DLGAP1: variants seen among roughly 807,000 people sequenced by gnomAD.
The protein encoded by DLGAP1 is DLG associated protein 1, also known as disks large-associated protein 1.
A neutral mutation model predicts 90.8 loss-of-function variants in DLGAP1; 11 were observed. The observed-to-expected ratio is 0.12, with a 90% CI of 0.08 to 0.20. The LOEUF is 0.20. Ranked by LOEUF, DLGAP1 falls within the 10% of genes least tolerant of loss-of-function variation. DLGAP1 has a pLI of 1.00. For synonymous variants in DLGAP1, 558 were observed against 540.7 expected, an observed-to-expected ratio of 1.03 and a Z score of -0.44; for missense variants, 1,050 against 1,333.8, an observed-to-expected ratio of 0.79 and a Z score of 3.31.
intron 7 of DLGAP1, among the ~76,000 whole-genome samples, chr18:3,628,822 C>T (rs540898433): frequency 1.5e-3 from 232 of 152,252 alleles, no homozygotes; most frequent in Non-Finnish European, 2.7e-3. Context: ...TACAACTTGT[C>T]AATTTCCATT....
chr18:4,252,098 T>A (rs2078790915), intron 1 of DLGAP1, among the ~76,000 whole-genome samples: 2 of 152,102 alleles, frequency 1.3e-5, no homozygotes, highest in African/African-American at 4.8e-5. Flanking sequence ...GAATGAGTCA[T>A]CTCAAGCCTT....
chr18:3,845,097 C>T (rs934314792), intron 4 of DLGAP1: 1 of 1,126,404 alleles, frequency 8.9e-7, no homozygotes. Context: ...AATTGTTCAT[C>T]CCCAGTTCAC....
At chr18:4,115,995 T>G (rs2076057873) in intron 2 of DLGAP1, among the ~76,000 whole-genome samples, 1 of 152,264 alleles carries the variant, frequency 6.6e-6, no homozygotes, top group Non-Finnish European at 1.5e-5. Context: ...GCACTCTTTC[T>G]TTTCTCGTGC....
intron 5 of DLGAP1, among the ~76,000 whole-genome samples, chr18:3,802,496 C>T (rs1297520802): frequency 3.9e-5 from 6 of 152,216 alleles, no homozygotes; most frequent in African/African-American, 1.4e-4. Flanking sequence ...TATACTCAGA[C>T]AAAATTCCTC....
At chr18:4,047,060 C>T (rs562870628) in intron 2 of DLGAP1, among the ~76,000 whole-genome samples, 11 of 152,328 alleles carry the variant, frequency 7.2e-5, no homozygotes, top group African/African-American at 2.6e-4. Flanking sequence ...ACTCAAATAA[C>T]TTACTTCAAT....
intron 2 of DLGAP1, among the ~76,000 whole-genome samples, chr18:4,030,095 C>A (rs1226949919): frequency 6.6e-6 from 1 of 152,110 alleles, no homozygotes; most frequent in African/African-American, 2.4e-5. Flanking sequence ...TGGATTCAAG[C>A]GATTCTCCTG....
intron 2 of DLGAP1, among the ~76,000 whole-genome samples, chr18:4,048,772 G>A (rs983026516): frequency 6.6e-6 from 1 of 152,148 alleles, no homozygotes; most frequent in Admixed American, 6.5e-5. Context: ...GGCTGCTTTG[G>A]GATGAAAAAG....
At chr18:3,858,494 G>GTA (rs1403930860) in intron 4 of DLGAP1, among the ~76,000 whole-genome samples, 84 of 147,174 alleles carry the variant, frequency 5.7e-4, no homozygotes, top group Middle Eastern at 3.6e-3. Context: ...ATATATACGT[G>GTA]TATATATACA....
chr18:3,658,680 G>T (rs903259886), intron 7 of DLGAP1, among the ~76,000 whole-genome samples: 2 of 152,100 alleles, frequency 1.3e-5, no homozygotes, highest in Admixed American at 6.5e-5. Context: ...AAACCAAAAC[G>T]CAAGGTCAGG....
intron 8 of DLGAP1, chr18:3,580,534 G>C (rs544176394): frequency 6.3e-7 from 1 of 1,598,462 alleles, no homozygotes; most frequent in South Asian, 1.1e-5. Flanking sequence ...CGGCAGCGGA[G>C]ATGGCAGTGG....
rs1657645567 is a variant in DLGAP1, at chr18:3,498,349, A to G, written c.*836T>C. 6.6e-6 allele frequency: 1 copy of G among 152,210 alleles called. No individual in the cohort carries two copies. The highest frequency in any genetic ancestry group is 6.5e-5 in the Admixed American group (1 of 15,284). 9.4% of individuals were successfully genotyped at this position (152,210 alleles called of 1,614,324 possible). On this transcript the variant is annotated 3_prime_UTR_variant, in exon 13 of 13. Coordinates refer to ENST00000315677, the MANE Select transcript of DLGAP1 (RefSeq NM_004746.4). ...CAGGTCTAGATTTTCTTAATAATAG[A>G]ACAAAAAAATCCCTTATGTAGTATA...
chr18:4,103,793 T>G (rs1299526894), intron 2 of DLGAP1, among the ~76,000 whole-genome samples: 1 of 151,744 alleles, frequency 6.6e-6, no homozygotes, highest in Non-Finnish European at 1.5e-5. Flanking sequence ...GTATTAAATA[T>G]TTTTTCAGAA....
intron 7 of DLGAP1, among the ~76,000 whole-genome samples, chr18:3,589,376 T>C (rs1308668946): frequency 1.3e-5 from 2 of 152,122 alleles, no homozygotes; most frequent in East Asian, 3.8e-4. Context: ...GAGATCAAAC[T>C]CCCTTTTTGT....
intron 1 of DLGAP1, among the ~76,000 whole-genome samples, chr18:4,445,660 T>C (rs529080809): frequency 3.9e-5 from 6 of 152,176 alleles, no homozygotes; most frequent in Admixed American, 2.0e-4. Context: ...TACTAGCTAC[T>C]GGGCTCAAGC....
chr18:3,570,848 G>A (rs2054734890), intron 8 of DLGAP1, among the ~76,000 whole-genome samples: 1 of 151,324 alleles, frequency 6.6e-6, no homozygotes, highest in Non-Finnish European at 1.5e-5. Context: ...AGGATTGCTT[G>A]AGCCTGAGAG....
At chr18:3,605,949 T>G (rs1205897597) in intron 7 of DLGAP1, among the ~76,000 whole-genome samples, 2 of 152,130 alleles carry the variant, frequency 1.3e-5, no homozygotes, top group East Asian at 3.8e-4. Flanking sequence ...AATAGGAGAC[T>G]TCAAACAAAA....
intron 1 of DLGAP1, among the ~76,000 whole-genome samples, chr18:4,452,349 T>C (rs2083855164): frequency 6.6e-6 from 1 of 152,192 alleles, no homozygotes; most frequent in South Asian, 2.1e-4. Context: ...TCAAAGAATA[T>C]GGTATTCATC....
chr18:3,783,617 A>G (rs1292095105), intron 5 of DLGAP1, among the ~76,000 whole-genome samples: 1 of 152,118 alleles, frequency 6.6e-6, no homozygotes, highest in African/African-American at 2.4e-5. Flanking sequence ...GGCTGTGGGG[A>G]GGGCTGGAGG....
intron 5 of DLGAP1, among the ~76,000 whole-genome samples, chr18:3,788,625 G>A (rs556982271): frequency 4.3e-4 from 66 of 152,242 alleles, no homozygotes; most frequent in African/African-American, 1.2e-3. Flanking sequence ...GTCATTACAC[G>A]TTGGCAGGCT....
Sources: gnomAD v4.1 joint callset for allele counts (sites outside exome capture counted in the v4.1 genomes callset) on GRCh38, gnomAD v4.1.1 for gene constraint, MANE v1.5 for transcripts, NCBI Gene and HGNC (gene_info 2026-07-23, HGNC 2026-07-21) for gene names.